PI15: variants seen among roughly 807,000 people sequenced by gnomAD.
PI15 encodes the protein 25 kDa trypsin inhibitor.
In PI15, 18 loss-of-function variants were observed where a neutral mutation model predicts 31.0. The ratio of observed to expected loss-of-function variants is 0.58; its 90% CI spans 0.40 to 0.86. PI15 has a LOEUF of 0.86. PI15 is among the 40% of genes least tolerant of loss of function. The probability of loss-of-function intolerance (pLI) is 0.00; values close to 1 mark genes in which losing one functional copy is unlikely to be tolerated. For synonymous variants in PI15, 118 were observed against 119.1 expected (o/e 0.99, Z 0.06); for missense variants, 282 against 328.1 (o/e 0.86, Z 1.09).
At chr8:74,842,217 A>G (rs1293925462) in intron 2 of PI15, among the ~76,000 whole-genome samples, 2 of 152,144 alleles carry the variant, frequency 1.3e-5, no homozygotes, top group East Asian at 1.9e-4. Context: ...GCTGAACACA[A>G]TCTGATGGAG....
At position 74,839,967 on chromosome 8, in the gene PI15, G is replaced by T. The variant is rs189016743; in HGVS notation, c.274-4014G>T. Among the ~76,000 whole-genome samples, 19 of 152,180 alleles carry T rather than the reference G, an allele frequency of 1.2e-4. No individual in the cohort carries two copies. The East Asian group carries it at 3.3e-3, about 26-fold the overall frequency. On this transcript the variant is annotated intron_variant, in intron 2 of 5. Transcript: ENST00000260113. The stretch of plus-strand genomic sequence containing the variant: ...TCTGAACTTTCGTCAGTTGTTAAAT[G>T]TTTCCCATAATTACAATGGCAACAT...
At chr8:74,836,302 G>C (rs1810871668) in intron 2 of PI15, among the ~76,000 whole-genome samples, 1 of 152,234 alleles carries the variant, frequency 6.6e-6, no homozygotes, top group South Asian at 2.1e-4. Flanking sequence ...CTGATTCCTG[G>C]ACTAGAGAAA....
intron 2 of PI15, among the ~76,000 whole-genome samples, chr8:74,842,329 C>A (rs1237513377): frequency 6.6e-6 from 1 of 152,112 alleles, no homozygotes. Flanking sequence ...CTTCTTCATA[C>A]AAGGTCTCAA....
intron 5 of PI15, among the ~76,000 whole-genome samples, chr8:74,848,732 T>TATATATAGAGAGAG (rs1191072583): frequency 2.2e-5 from 3 of 136,358 alleles, no homozygotes; most frequent in African/African-American, 8.3e-5. Flanking sequence ...TATATATATA[T>TATATATAGAGAGAG]AGAGAGAGAG....
chr8:74,827,631 T>TG (rs1357216497), intron 2 of PI15, among the ~76,000 whole-genome samples: 1 of 152,186 alleles, frequency 6.6e-6, no homozygotes, highest in Non-Finnish European at 1.5e-5. Flanking sequence ...TTTAGGTCTG[T>TG]GTAATTTCAA....
chr8:74,831,950 A>T (rs1173339082), intron 2 of PI15, among the ~76,000 whole-genome samples: 1 of 152,040 alleles, frequency 6.6e-6, no homozygotes, highest in Non-Finnish European at 1.5e-5. Flanking sequence ...AGGCACCCAG[A>T]CATTTGTTCG....
In PI15 at chr8:74,825,317, T is replaced by C. The variant is rs764447125; in HGVS notation, c.68T>C (p.Val23Ala). 2 of 1,613,386 alleles carry C rather than the reference T, an allele frequency of 1.2e-6. No individual in the cohort carries two copies. Among genetic ancestry groups the C allele is most frequent in the East Asian group, 2.2e-5 (1 of 44,852 alleles). The part of the protein sequence containing the change: ...FSLLCEASTV[V>A]LLNSTDSSPP... Reference sequence around the variant, plus strand: ...CTTCTCTGTGAAGCAAGTACCGTCGTCCTACTCAATTCCACTGACTCATCC... The same window carrying C: ...CTTCTCTGTGAAGCAAGTACCGTCGCCCTACTCAATTCCACTGACTCATCC... Residue 23 changes from valine to alanine, a missense_variant, in exon 2 of 6, where the codon GTC (valine) becomes GCC (alanine). Coordinates refer to ENST00000260113, the MANE Select transcript of PI15 (RefSeq NM_015886.5).
intron 5 of PI15, among the ~76,000 whole-genome samples, chr8:74,846,907 A>G (rs879819927): frequency 6.6e-6 from 1 of 152,190 alleles, no homozygotes; most frequent in Non-Finnish European, 1.5e-5. Flanking sequence ...AATGAATAGT[A>G]TAAGTGTATA....
chr8:74,838,572 C>T (rs1423788000), intron 2 of PI15, among the ~76,000 whole-genome samples: 1 of 152,012 alleles, frequency 6.6e-6, no homozygotes, highest in Admixed American at 6.6e-5. Flanking sequence ...CCCTCCCACC[C>T]CTCTCAAGTA....
chr8:74,848,372 T>C (rs1241405189), intron 5 of PI15, among the ~76,000 whole-genome samples: 1 of 152,192 alleles, frequency 6.6e-6, no homozygotes, highest in Non-Finnish European at 1.5e-5. Flanking sequence ...CTAAAATACT[T>C]TGCAGAAGCA....
intron 2 of PI15, among the ~76,000 whole-genome samples, chr8:74,842,190 C>G (rs1810955116): frequency 6.6e-6 from 1 of 152,108 alleles, no homozygotes; most frequent in African/African-American, 2.4e-5. Flanking sequence ...CAATGCATAG[C>G]TACTAATCCT....
chr8:74,831,855 G>A (rs1810786543), intron 2 of PI15, among the ~76,000 whole-genome samples: 1 of 151,986 alleles, frequency 6.6e-6, no homozygotes. Context: ...AAGAGGGTAT[G>A]TAGTACACTC....
intron 2 of PI15, among the ~76,000 whole-genome samples, chr8:74,836,973 G>C (rs1810881539): frequency 6.6e-6 from 1 of 152,138 alleles, no homozygotes; most frequent in African/African-American, 2.4e-5. Context: ...AAGGGTTCAA[G>C]AGAGGATTTT....
chr8:74,838,362 C>T (rs572288157), intron 2 of PI15, among the ~76,000 whole-genome samples: 101 of 152,070 alleles, frequency 6.6e-4, no homozygotes, highest in Admixed American at 1.6e-3. Context: ...TTAGTAATAT[C>T]AAATAAGATC....
rs527469896 is a variant in PI15 at position 74,844,344 on chromosome 8, C to A, written c.392+245C>A. The stretch of plus-strand genomic sequence containing the variant: ...CCCTTAGCCTGGATTTTTCTTTGAG[C>A]TCGCAGAATCTTAGAAAGGGTCAAG... On this transcript the variant is annotated intron_variant, in intron 3 of 5. Transcript: ENST00000260113. Among the ~76,000 whole-genome samples the A allele has an allele frequency of 3.9e-5, 6 of 152,046 alleles. No individual in the cohort carries two copies. In the South Asian group the frequency reaches 1.2e-3, roughly 32 times the overall value.
chr8:74,825,448 A>G lies in PI15; in HGVS notation c.199A>G (p.Met67Val). 6.2e-7 allele frequency: 1 copy of G among 1,612,716 alleles called. No homozygotes were observed. The highest frequency in any genetic ancestry group is 8.5e-7 in the Non-Finnish European group (1 of 1,178,976). ...GAAGCGCTACATTTCGCAGAATGAC[A>G]TGATCGCCATTCTTGATTATCATAA... ...RRKRYISQNDMIAILDYHNQV... is the reference protein window; with the variant it reads ...RRKRYISQNDVIAILDYHNQV... The change falls in exon 2 of 6, where the codon ATG becomes GTG. Residue 67 changes from methionine (M) to valine (V), a missense_variant. Transcript: ENST00000260113.
Position 74,853,713 on chromosome 8 carries a change from C to T in PI15, c.*4460C>T, listed in dbSNP as rs979635718. 6.6e-6 allele frequency: 1 copy of T among 152,356 alleles called. No individual in the cohort carries two copies. The highest frequency in any genetic ancestry group is 1.5e-5 in the Non-Finnish European group (1 of 67,940). The allele number at this position is 152,356 out of a possible 1,614,324, so 9.4% of individuals were successfully genotyped here. ...ATCATATGTTTCCTACATCTGACAGCACCTAAAATGTTTGATAATATTAAC... is the reference window on the plus strand; with the variant it reads ...ATCATATGTTTCCTACATCTGACAGTACCTAAAATGTTTGATAATATTAAC... On this transcript the variant is annotated 3_prime_UTR_variant, in exon 6 of 6. Coordinates refer to ENST00000260113, the MANE Select transcript of PI15 (RefSeq NM_015886.5).
intron 2 of PI15, among the ~76,000 whole-genome samples, chr8:74,838,682 T>C (rs995085839): frequency 2.6e-5 from 4 of 152,158 alleles, no homozygotes; most frequent in African/African-American, 7.2e-5. Context: ...ATTTTTACCT[T>C]AAATTTTATC....
intron 5 of PI15, among the ~76,000 whole-genome samples, chr8:74,848,030 G>C (rs1811049603): frequency 6.6e-6 from 1 of 152,092 alleles, no homozygotes; most frequent in East Asian, 1.9e-4. Flanking sequence ...ATAATTAAAA[G>C]AGCAAAATAA....
Sources: gnomAD v4.1 joint callset for allele counts (sites outside exome capture counted in the v4.1 genomes callset) on GRCh38, gnomAD v4.1.1 for gene constraint, MANE v1.5 for transcripts, NCBI Gene and HGNC (gene_info 2026-07-23, HGNC 2026-07-21) for gene names.